The following SAMD5 variants were observed in gnomAD, a reference collection of about 807,000 sequenced individuals.
SAMD5 encodes sterile alpha motif domain-containing protein 5.
A neutral mutation model predicts 11.3 loss-of-function variants in SAMD5; 13 were observed. The ratio of observed to expected loss-of-function variants is 1.15; its 90% CI spans 0.75 to 1.83. SAMD5 has a LOEUF of 1.83. SAMD5 is among the 40% of genes most tolerant of loss of function. The pLI is 0.00. For missense variants in SAMD5, 255 were observed against 239.1 expected (o/e 1.07, Z -0.44); for synonymous variants, 129 against 111.3 (o/e 1.16, Z -1.00).
At chr6:147,610,233 G>A (rs1047724567) in intron 1 of SAMD5, among the ~76,000 whole-genome samples, 1 of 152,148 alleles carries the variant, frequency 6.6e-6, no homozygotes, top group African/African-American at 2.4e-5. Context: ...GGAAGGAAAT[G>A]GATCATTTAC....
In SAMD5 at chr6:147,568,242, A is replaced by G. The variant is rs1789075725; in HGVS notation, c.*3786A>G. 3 of 985,392 alleles carry G rather than the reference A, an allele frequency of 3.0e-6. No individual in the cohort carries two copies. Among genetic ancestry groups the G allele is most frequent in the Non-Finnish European group, 3.6e-6 (3 of 829,926 alleles). 61.0% of individuals were successfully genotyped at this position (985,392 alleles called of 1,614,324 possible). ...TTCTATGAAAAGAAAAACCAGATAT[A>G]CCAGGGACTGGAAAGCACCTGCTTG... On this transcript the variant is annotated 3_prime_UTR_variant, in exon 2 of 2. Coordinates refer to ENST00000367474, the MANE Select transcript of SAMD5 (RefSeq NM_001030060.3).
At chr6:147,803,183 T>G in the SAMD5 span, among the ~76,000 whole-genome samples, 3 of 107,244 alleles carry the variant, frequency 2.8e-5, no homozygotes, top group Non-Finnish European at 6.4e-5. Flanking sequence ...GTGTGTGTGT[T>G]TTACATAGAT....
chr6:147,726,503 T>G (rs1386155016), intron 1 of SAMD5, among the ~76,000 whole-genome samples: 1 of 152,196 alleles, frequency 6.6e-6, no homozygotes, highest in South Asian at 2.1e-4. Flanking sequence ...GCAGTCTGTA[T>G]GCCAGGCCTG....
At chr6:147,524,458 A>T (rs1182284454) in intron 1 of SAMD5, among the ~76,000 whole-genome samples, 1 of 151,456 alleles carries the variant, frequency 6.6e-6, no homozygotes, top group East Asian at 1.9e-4. Flanking sequence ...TTGTAAAAGC[A>T]AGAGCGCCTA....
intron 1 of SAMD5, among the ~76,000 whole-genome samples, chr6:147,544,579 C>T (rs1788656411): frequency 6.6e-6 from 1 of 152,098 alleles, no homozygotes; most frequent in Non-Finnish European, 1.5e-5. Flanking sequence ...AGCGACATAC[C>T]TTTGCCATTT....
chr6:147,899,459 A>T, the SAMD5 span, among the ~76,000 whole-genome samples: 1 of 152,196 alleles, frequency 6.6e-6, no homozygotes, highest in Non-Finnish European at 1.5e-5. Context: ...TGATTGCCAA[A>T]ATTTAAAAAT....
At chr6:147,542,620 G>A (rs7738456) in intron 1 of SAMD5, among the ~76,000 whole-genome samples, 6,001 of 152,174 alleles carry the variant, frequency 0.039, 364 homozygotes, top group African/African-American at 0.12. Context: ...CCTGGGTGGG[G>A]GCCGCAAGAT....
chr6:147,819,020 A>T, the SAMD5 span, among the ~76,000 whole-genome samples: 1 of 152,236 alleles, frequency 6.6e-6, no homozygotes, highest in African/African-American at 2.4e-5. Flanking sequence ...ATAAAGACAC[A>T]TGCATGCATA....
At chr6:147,659,805 G>A (rs10457816) in intron 1 of SAMD5, among the ~76,000 whole-genome samples, 62,584 of 151,986 alleles carry the variant, frequency 0.41, 14,874 homozygotes, top group Middle Eastern at 0.54. Flanking sequence ...CCCCATCACC[G>A]GTGATAGATT....
the SAMD5 span, among the ~76,000 whole-genome samples, chr6:147,862,687 C>T: frequency 2.6e-5 from 4 of 152,116 alleles, no homozygotes; most frequent in African/African-American, 9.7e-5. Flanking sequence ...TTTATGTTAT[C>T]AAATAGAGCT....
the SAMD5 span, among the ~76,000 whole-genome samples, chr6:147,784,120 C>T: frequency 6.6e-6 from 1 of 152,182 alleles, no homozygotes; most frequent in East Asian, 1.9e-4. Flanking sequence ...CCACCTACCC[C>T]TGCAAACGGT....
intron 1 of SAMD5, among the ~76,000 whole-genome samples, chr6:147,623,053 C>T (rs995836262): frequency 6.6e-6 from 1 of 152,200 alleles, no homozygotes; most frequent in Non-Finnish European, 1.5e-5. Flanking sequence ...ATGGAAGCTA[C>T]AATTCAAGGT....
the SAMD5 span, among the ~76,000 whole-genome samples, chr6:147,924,600 A>G: frequency 6.6e-6 from 1 of 152,020 alleles, no homozygotes; most frequent in Non-Finnish European, 1.5e-5. Context: ...TTTACTAGTC[A>G]TAGGAAGTAG....
At chr6:147,901,998 T>C in the SAMD5 span, among the ~76,000 whole-genome samples, 1 of 152,184 alleles carries the variant, frequency 6.6e-6, no homozygotes, top group Non-Finnish European at 1.5e-5. Context: ...GTCCTCATTC[T>C]TCCTTGGCTT....
At chr6:147,766,638 C>T in the SAMD5 span, among the ~76,000 whole-genome samples, 198 of 152,234 alleles carry the variant, frequency 1.3e-3, 1 homozygote, top group African/African-American at 4.6e-3. Context: ...AAACCTCCCA[C>T]GTCTTAGAGA....
chr6:147,783,463 G>C, the SAMD5 span, among the ~76,000 whole-genome samples: 2 of 151,766 alleles, frequency 1.3e-5, no homozygotes. Flanking sequence ...GCACAATCTC[G>C]GCTAACTGCA....
chr6:147,902,831 T>C, the SAMD5 span, among the ~76,000 whole-genome samples: 1 of 152,208 alleles, frequency 6.6e-6, no homozygotes, highest in Non-Finnish European at 1.5e-5. Flanking sequence ...AGCCCTCTTA[T>C]CACATTCTGA....
the SAMD5 span, among the ~76,000 whole-genome samples, chr6:147,768,127 T>G: frequency 6.6e-6 from 1 of 152,222 alleles, no homozygotes; most frequent in African/African-American, 2.4e-5. Context: ...TTAAATATAA[T>G]GCCATTTTTG....
chr6:147,855,979 T>G, the SAMD5 span, among the ~76,000 whole-genome samples: 1 of 152,196 alleles, frequency 6.6e-6, no homozygotes, highest in African/African-American at 2.4e-5. Context: ...TGTGCATGAA[T>G]GTACATGCAA....
Sources: allele counts gnomAD v4.1 joint callset (sites outside exome capture counted in the v4.1 genomes callset), GRCh38; gene constraint gnomAD v4.1.1; transcripts MANE v1.5; gene names NCBI Gene and HGNC (gene_info 2026-07-23, HGNC 2026-07-21).